MOV10L1: variants seen among roughly 807,000 people sequenced by gnomAD.
The protein encoded by MOV10L1 is RNA helicase Mov10l1.
In MOV10L1, 110 loss-of-function variants were observed where a neutral mutation model predicts 143.8. That is an observed-to-expected ratio of 0.76 (90% CI 0.66 to 0.90). The LOEUF is 0.90. Ranked by LOEUF, MOV10L1 falls within the 40% of genes least tolerant of loss-of-function variation. MOV10L1 has a pLI of 0.00. For synonymous variants in MOV10L1, 593 were observed against 581.1 expected (o/e 1.02, Z -0.29); for missense variants, 1,406 against 1,526.8 (o/e 0.92, Z 1.32).
Position 50,126,288 on chromosome 22 carries a change from C to G in MOV10L1, c.1818+16C>G, listed in dbSNP as rs752905432. ...CGTGACTGAGGTGAGAGCACTCTCT[C>G]TTAATGAGTTTGTGTTAGACACACC... On this transcript the variant is annotated intron_variant, in intron 12 of 26. Transcript: ENST00000262794. 5 of 1,595,894 alleles carry G rather than the reference C, an allele frequency of 3.1e-6. No homozygotes were observed. Among genetic ancestry groups the G allele is most frequent in the Admixed American group, 1.7e-5 (1 of 59,898 alleles).
intron 15 of MOV10L1, among the ~76,000 whole-genome samples, chr22:50,137,994 G>A (rs1021516794): frequency 6.6e-6 from 1 of 151,906 alleles, no homozygotes; most frequent in Middle Eastern, 3.4e-3. Context: ...AAATAAATGT[G>A]TAATATACCA....
chr22:50,102,322 C>T (rs545832978), intron 3 of MOV10L1, among the ~76,000 whole-genome samples: 1 of 152,316 alleles, frequency 6.6e-6, no homozygotes, highest in South Asian at 2.1e-4. Flanking sequence ...TCCTTCAAAG[C>T]TCCTCCCCAC....
chr22:50,142,931 C>T (rs1602312373), intron 16 of MOV10L1, 112 bp from the exon 17 acceptor site: 4 of 937,548 alleles, frequency 4.3e-6, no homozygotes, highest in South Asian at 1.6e-5. Context: ...CTGTCTGTGA[C>T]TCTGATTTAG....
chr22:50,111,017 T>C (rs769486677), intron 5 of MOV10L1, among the ~76,000 whole-genome samples: 19 of 152,144 alleles, frequency 1.2e-4, no homozygotes, highest in Non-Finnish European at 2.4e-4. Flanking sequence ...AGCTCCCTAC[T>C]TGTGGGGCAG....
chr22:50,120,090 G>A (rs2062296948), intron 9 of MOV10L1, among the ~76,000 whole-genome samples: 1 of 152,194 alleles, frequency 6.6e-6, no homozygotes, highest in Non-Finnish European at 1.5e-5. Context: ...GCAGGACCCA[G>A]ACAGAGCAGC....
At chr22:50,137,479 T>C (rs1253481076) in intron 15 of MOV10L1, among the ~76,000 whole-genome samples, 4 of 152,016 alleles carry the variant, frequency 2.6e-5, no homozygotes, top group Non-Finnish European at 5.9e-5. Flanking sequence ...AGGCGGAGGC[T>C]GCAGTGAGCC....
Position 50,142,102 on chromosome 22 carries a change from C to A in MOV10L1, c.2092C>A (p.Gln698Lys). The A allele has an allele frequency of 6.2e-7, 1 of 1,610,946 alleles. No homozygotes were observed. Among genetic ancestry groups the A allele is most frequent in the South Asian group, 1.1e-5 (1 of 90,512 alleles). ...SKKNRKTMTD[Q>K]AEHGTEERRV... ...CTAGAATAGGAAAACAATGACGGAC[C>A]AAGCTGAGCATGGAACAGAGGAGAG... Residue 698 changes from glutamine to lysine, a missense_variant, in exon 16 of 27, where the codon CAA becomes AAA. Gln to Lys is a moderately conservative substitution (Grantham distance 53). Around this residue, in one of 3 missense-constraint regions of MOV10L1, gnomAD observed 1,233 missense variants for 1,351.4 expected, o/e 0.91. Coordinates refer to ENST00000262794, the MANE Select transcript of MOV10L1 (RefSeq NM_018995.3).
At position 50,092,016 on chromosome 22, in the gene MOV10L1, A is replaced by G. The variant is rs748658637; in HGVS notation, c.113A>G (p.Lys38Arg). 3 of 1,613,638 alleles carry G rather than the reference A, an allele frequency of 1.9e-6. No individual in the cohort carries two copies. The highest frequency in any genetic ancestry group is 3.3e-5 in the Admixed American group (2 of 59,902). Residue 38 changes from lysine to arginine, a missense_variant, in exon 2 of 27, where the codon AAA becomes AGA. By Grantham distance (26) the Lys-to-Arg change is conservative. Transcript: ENST00000262794. ...CCTACCTCAGGTGACACTAAGCTGA[A>G]AACTGTACGGGGTGTCGTGACAAGG... ...PELAEGDTKL[K>R]TVRGVVTRYC...
rs2063556487 is a variant in MOV10L1 at position 50,161,387 on chromosome 22, G to C, written c.3574G>C (p.Asp1192His). Residue 1192 changes from aspartate (D) to histidine (H), a missense_variant, in exon 27 of 27, where the codon GAC becomes CAC. Physicochemically the swap from Asp to His is moderately conservative, Grantham distance 81. Coordinates refer to ENST00000262794, the MANE Select transcript of MOV10L1 (RefSeq NM_018995.3). ...CTACAGCTGTGGCGAGGGGGTGGCAGACCCCTCCTACCCAGTGGTGCCAGA... is the reference window on the plus strand; with the variant it reads ...CTACAGCTGTGGCGAGGGGGTGGCACACCCCTCCTACCCAGTGGTGCCAGA... ...SLQNCGEGVADPSYPVVPEST... is the reference protein window; with the variant it reads ...SLQNCGEGVAHPSYPVVPEST... 6 of 1,600,208 alleles carry C rather than the reference G, an allele frequency of 3.7e-6. No individual in the cohort carries two copies. The East Asian group carries it at 6.8e-5, about 18-fold the overall frequency.
At chr22:50,091,977 A>T (rs761272187) in intron 1 of MOV10L1, 24 bp from the exon 2 acceptor site, 1 of 1,604,690 alleles carries the variant, frequency 6.2e-7, no homozygotes, top group Admixed American at 1.7e-5. Context: ...TGGCCAAGAT[A>T]ACTTCTTTGT....
chr22:50,120,717 G>C, intron 10 of MOV10L1, 101 bp downstream of exon 10: 3 of 836,740 alleles, frequency 3.6e-6, no homozygotes, highest in Non-Finnish European at 5.8e-6. Context: ...CCTTCATCTG[G>C]CTTGTTTTCT....
chr22:50,103,438 T>TC (rs1480323374), intron 3 of MOV10L1, among the ~76,000 whole-genome samples: 2 of 152,168 alleles, frequency 1.3e-5, no homozygotes, highest in African/African-American at 4.8e-5. Flanking sequence ...TCCTCAGCGC[T>TC]CCAACATCTA....
At chr22:50,097,989 A>G (rs932872368) in intron 2 of MOV10L1, among the ~76,000 whole-genome samples, 3 of 151,854 alleles carry the variant, frequency 2.0e-5, no homozygotes, top group African/African-American at 7.3e-5. Flanking sequence ...GCTTGCCACT[A>G]CACCCAGCTA....
intron 22 of MOV10L1, among the ~76,000 whole-genome samples, 162 bp downstream of exon 22, chr22:50,153,380 T>C (rs1312942821): frequency 6.6e-6 from 1 of 152,154 alleles, no homozygotes; most frequent in Non-Finnish European, 1.5e-5. Context: ...CCCCCCAAGA[T>C]GGATGCTGAC....
rs558981430 is a variant in MOV10L1 at position 50,145,950 on chromosome 22, G to C, written c.2627+140G>C. 2.5e-5 allele frequency: 33 copies of C among 1,341,244 alleles called. No individual in the cohort carries two copies. In the East Asian group the frequency reaches 7.7e-4, roughly 31 times the overall value. 83.1% of individuals were successfully genotyped at this position (1,341,244 alleles called of 1,614,324 possible). ...GCAGGGCTGTGGGCGAGAAAGGCTG[G>C]TTGGGGAGGGCCGTGCCTGAATGGA... is the stretch of plus-strand genomic sequence containing the variant. On this transcript the variant is annotated intron_variant, in intron 19 of 26. Transcript: ENST00000262794.
intron 19 of MOV10L1, among the ~76,000 whole-genome samples, chr22:50,149,212 G>C (rs1338680771): frequency 6.6e-6 from 1 of 152,246 alleles, no homozygotes; most frequent in Non-Finnish European, 1.5e-5. Context: ...GGGAGGTGGA[G>C]GCTCAGAGAG....
In MOV10L1 at chr22:50,120,500, A is replaced by G; in HGVS notation, c.1455-2A>G. 1 of 1,583,228 alleles carries G rather than the reference A, an allele frequency of 6.3e-7. No homozygotes were observed. The highest frequency in any genetic ancestry group is 1.1e-5 in the South Asian group (1 of 89,342). ...TTTAACTTGTGAACTTAATTTTTTA[A>G]GGAACTCAAGACGACAACTTCCAAG... On this transcript the variant is annotated splice_acceptor_variant, in intron 9 of 26. Transcript: ENST00000262794. LOFTEE classifies it high-confidence loss of function.
intron 11 of MOV10L1, among the ~76,000 whole-genome samples, chr22:50,125,954 AT>A (rs35391790): frequency 2.9e-4 from 42 of 145,884 alleles, no homozygotes; most frequent in Middle Eastern, 3.5e-3. Flanking sequence ...CACCCGGCTG[AT>A]TTTTTTTTTT....
chr22:50,135,959 T>A (rs4838847), intron 15 of MOV10L1, among the ~76,000 whole-genome samples: 21,261 of 152,094 alleles, frequency 0.14, 1,628 homozygotes, highest in Admixed American at 0.21. Flanking sequence ...CAAATTTGGT[T>A]TTATGAGCAT....
Sources: allele counts gnomAD v4.1 joint callset (sites outside exome capture counted in the v4.1 genomes callset), GRCh38; gene constraint gnomAD v4.1.1; regional missense constraint gnomAD v4.1.1; transcripts MANE v1.5; gene names NCBI Gene and HGNC (gene_info 2026-07-23, HGNC 2026-07-21).